SMYD3: variants seen among roughly 807,000 people sequenced by gnomAD.
The protein encoded by SMYD3 is histone-lysine N-methyltransferase SMYD3.
In SMYD3, 36 loss-of-function variants were observed where a neutral mutation model predicts 57.7. The ratio of observed to expected loss-of-function variants is 0.62; its 90% confidence interval spans 0.48 to 0.82. The LOEUF (loss-of-function observed/expected upper bound fraction) is 0.82. Among genes scored for constraint, SMYD3 ranks in the 40% least tolerant of loss-of-function variants. SMYD3 has a pLI of 0.00. For missense variants in SMYD3, 515 were observed against 538.8 expected, an observed-to-expected ratio of 0.96 and a Z score of 0.44; for synonymous variants, 211 against 195.0, an observed-to-expected ratio of 1.08 and a Z score of -0.68.
At chr1:246,012,759 TTC>T (rs1393739963) in intron 5 of SMYD3, among the ~76,000 whole-genome samples, 4 of 152,230 alleles carry the variant, frequency 2.6e-5, no homozygotes, top group African/African-American at 9.6e-5. Context: ...ATCACATATG[TTC>T]TGATCCTCAA....
At chr1:245,850,843 C>T (rs976188421) in intron 10 of SMYD3, among the ~76,000 whole-genome samples, 2 of 152,192 alleles carry the variant, frequency 1.3e-5, no homozygotes, top group African/African-American at 2.4e-5. Flanking sequence ...CCAACTAGCA[C>T]CCATCAAGCT....
chr1:246,074,960 A>C (rs981544343), intron 5 of SMYD3, among the ~76,000 whole-genome samples: 4 of 150,960 alleles, frequency 2.6e-5, no homozygotes, highest in African/African-American at 9.9e-5. Flanking sequence ...ACTTCAGAGG[A>C]ATATAAGAGA....
chr1:245,914,589 G>C (rs2055257605), intron 8 of SMYD3, among the ~76,000 whole-genome samples: 1 of 152,186 alleles, frequency 6.6e-6, no homozygotes, highest in African/African-American at 2.4e-5. Flanking sequence ...TGGAAGTAGA[G>C]AGCAGAACTG....
intron 5 of SMYD3, among the ~76,000 whole-genome samples, chr1:246,049,529 T>A (rs1418082015): frequency 4.6e-5 from 7 of 151,466 alleles, no homozygotes; most frequent in African/African-American, 1.7e-4. Flanking sequence ...ATGATCTCGA[T>A]CTCCTGACCT....
At chr1:246,249,611 T>A (rs2148496401) in intron 5 of SMYD3, among the ~76,000 whole-genome samples, 1 of 152,086 alleles carries the variant, frequency 6.6e-6, no homozygotes, top group African/African-American at 2.4e-5. Context: ...TCAATTAAGG[T>A]TATATTTGAT....
chr1:245,914,547 T>G (rs1044858769), intron 8 of SMYD3, among the ~76,000 whole-genome samples: 65 of 152,128 alleles, frequency 4.3e-4, no homozygotes, highest in Non-Finnish European at 4.6e-4. Flanking sequence ...GTGTTCTCAC[T>G]CATATGTGGG....
At chr1:246,113,138 C>A (rs1290009138) in intron 5 of SMYD3, among the ~76,000 whole-genome samples, 1 of 151,786 alleles carries the variant, frequency 6.6e-6, no homozygotes, top group Non-Finnish European at 1.5e-5. Context: ...GCCGAGATCA[C>A]GCCACTGCCC....
At chr1:245,970,617 A>C (rs2058274153) in intron 5 of SMYD3, among the ~76,000 whole-genome samples, 1 of 152,194 alleles carries the variant, frequency 6.6e-6, no homozygotes, top group Admixed American at 6.5e-5. Context: ...AAGAAAAAAA[A>C]CAACCCCATC....
intron 10 of SMYD3, among the ~76,000 whole-genome samples, chr1:245,830,502 T>C (rs768028028): frequency 2.0e-5 from 3 of 152,164 alleles, no homozygotes; most frequent in Non-Finnish European, 4.4e-5. Context: ...TAATTCAAGG[T>C]GAGATTTGGG....
Position 246,478,691 on chromosome 1 carries a change from T to C in SMYD3, c.164+28363A>G, listed in dbSNP as rs557166483. 5.8e-4 allele frequency among the ~76,000 whole-genome samples: 63 copies of C among 109,338 alleles called. 2 individuals carry two copies. Among genetic ancestry groups the C allele is most frequent in the African/African-American group, 2.9e-3 (56 of 19,578 alleles). The allele number at this position is 109,338 out of a possible 152,430, so 71.7% of individuals were successfully genotyped here. A position where few individuals can be genotyped will look rare whatever the true frequency, so the allele number is the denominator to read the frequency against. ...GTAAGTGCTCATATATGCACACCTG[T>C]CCTCCGTCCTGGAGCTGGTACGTAA... On this transcript the variant is annotated intron_variant, in intron 1 of 11. Transcript: ENST00000490107.
intron 10 of SMYD3, among the ~76,000 whole-genome samples, chr1:245,845,306 C>G (rs2050611227): frequency 6.6e-6 from 1 of 152,214 alleles, no homozygotes; most frequent in African/African-American, 2.4e-5. Context: ...ACCTCACTAA[C>G]TCCTATTTTT....
At chr1:245,832,680 A>G (rs1252939686) in intron 10 of SMYD3, among the ~76,000 whole-genome samples, 1 of 152,148 alleles carries the variant, frequency 6.6e-6, no homozygotes, top group Non-Finnish European at 1.5e-5. Context: ...ACTTTTGACC[A>G]TTAGAAGTTA....
chr1:246,062,543 G>A lies in SMYD3; in HGVS notation c.532-132606C>T, dbSNP rs112389593. On this transcript the variant is annotated intron_variant, in intron 5 of 11. Transcript: ENST00000490107. The stretch of plus-strand genomic sequence containing the variant: ...GATTACAATTTTCCCAATTACAAAT[G>A]CTAGTCATTTGGACCACTAACCCAA... Among the ~76,000 whole-genome samples, 467 of 152,300 alleles carry A rather than the reference G, an allele frequency of 3.1e-3. 2 individuals are homozygous for A. Among genetic ancestry groups the A allele is most frequent in the Middle Eastern group, 6.8e-3 (2 of 294 alleles).
intron 5 of SMYD3, among the ~76,000 whole-genome samples, chr1:246,107,815 G>A (rs1572034088): frequency 6.6e-6 from 1 of 152,276 alleles, no homozygotes; most frequent in Admixed American, 6.5e-5. Flanking sequence ...AGAAACACAG[G>A]AGTAATTTTT....
At chr1:246,114,999 C>CA (rs1409081928) in intron 5 of SMYD3, among the ~76,000 whole-genome samples, 1 of 152,226 alleles carries the variant, frequency 6.6e-6, no homozygotes, top group Non-Finnish European at 1.5e-5. Flanking sequence ...CTTAGCCAGT[C>CA]ACGCTCACAA....
intron 10 of SMYD3, among the ~76,000 whole-genome samples, chr1:245,839,171 T>C (rs977641773): frequency 6.6e-6 from 1 of 152,184 alleles, no homozygotes; most frequent in Non-Finnish European, 1.5e-5. Flanking sequence ...TTTTATTTTA[T>C]TTTAATTTTT....
intron 10 of SMYD3, among the ~76,000 whole-genome samples, chr1:245,804,143 C>G (rs571547009): frequency 4.1e-4 from 62 of 152,150 alleles, no homozygotes; most frequent in African/African-American, 1.4e-3. Context: ...GAACTCCTGT[C>G]CTTGTGATCT....
intron 10 of SMYD3, among the ~76,000 whole-genome samples, chr1:245,829,293 T>C (rs780439090): frequency 5.9e-5 from 9 of 152,182 alleles, no homozygotes; most frequent in African/African-American, 1.2e-4. Context: ...TGGGAGCCTA[T>C]TGTACACTGG....
At position 246,507,002 on chromosome 1, in the gene SMYD3, C is replaced by T. The variant is rs571157173; in HGVS notation, c.164+52G>A. On this transcript the variant is annotated intron_variant, in intron 1 of 11. Transcript: ENST00000490107. ...CGGCCGCCCGACGCCCCCCCCTCCC[C>T]AGCACCCCACACAGCTCGCGACTCA... 30 of 1,121,208 alleles carry T rather than the reference C, an allele frequency of 2.7e-5. 1 individual carries two copies. Among genetic ancestry groups the T allele is most frequent in the South Asian group, 5.1e-5 (3 of 58,626 alleles). 69.5% of individuals were successfully genotyped at this position (1,121,208 alleles called of 1,614,324 possible). A position where few individuals can be genotyped will look rare whatever the true frequency, so the allele number is the denominator to read the frequency against.
Sources: allele counts gnomAD v4.1 joint callset (sites outside exome capture counted in the v4.1 genomes callset), GRCh38; gene constraint gnomAD v4.1.1; transcripts MANE v1.5; gene names NCBI Gene and HGNC (gene_info 2026-07-23, HGNC 2026-07-21).